Variants in C2CD3 observed in about 807,000 individuals in gnomAD.
C2CD3 encodes C2 domain-containing protein 3.
C2CD3 carries 148 observed loss-of-function variants against 234.0 expected under a neutral mutation model. The ratio of observed to expected loss-of-function variants is 0.63; its 90% CI spans 0.55 to 0.72. The LOEUF (loss-of-function observed/expected upper bound fraction) is 0.72, where lower values mean the gene tolerates loss of function less well. C2CD3 is among the 30% of genes least tolerant of loss of function. C2CD3 has a pLI of 0.00. For missense variants in C2CD3, 2,577 were observed against 2,811.5 expected (o/e 0.92, Z 1.89); for synonymous variants, 1,000 against 1,035.4 (o/e 0.97, Z 0.66).
chr11:74,162,405 A>C (rs987895190), intron 2 of C2CD3, among the ~76,000 whole-genome samples: 4 of 152,204 alleles, frequency 2.6e-5, no homozygotes, highest in African/African-American at 9.6e-5. Context: ...GATACACAAG[A>C]GACTGGTAAC....
chr11:74,097,905 G>C, intron 16 of C2CD3, 104 bp downstream of exon 16: 1 of 1,156,204 alleles, frequency 8.6e-7, no homozygotes, highest in Non-Finnish European at 1.2e-6. Flanking sequence ...ATGTTCTTTT[G>C]TTGAGCCTTT....
At chr11:74,116,909 TGTATATATAC>T in intron 9 of C2CD3, among the ~76,000 whole-genome samples, 1 of 81,758 alleles carries the variant, frequency 1.2e-5, no homozygotes, top group African/African-American at 4.7e-5. Flanking sequence ...CACACGTGTA[TGTATATATAC>T]ATATACACGT....
At chr11:74,056,801 G>T (rs751465216) in intron 25 of C2CD3, among the ~76,000 whole-genome samples, 1 of 151,998 alleles carries the variant, frequency 6.6e-6, no homozygotes, top group Admixed American at 6.6e-5. Flanking sequence ...TTTAGCTGAG[G>T]TGTCTTATTT....
chr11:74,016,386 A>T (rs929694415), intron 32 of C2CD3, among the ~76,000 whole-genome samples: 2 of 151,804 alleles, frequency 1.3e-5, no homozygotes, highest in Non-Finnish European at 2.9e-5. Flanking sequence ...TAGAGGGAAC[A>T]GCATGAGCAC....
rs1048420989 is a variant in C2CD3 at position 74,033,775 on chromosome 11, A to G, written c.6385T>C (p.Phe2129Leu). 10 of 1,536,230 alleles carry G rather than the reference A, an allele frequency of 6.5e-6. No homozygotes were observed. Among genetic ancestry groups the G allele is most frequent in the African/African-American group, 1.4e-5 (1 of 73,038 alleles). ...ACAGCCCTTTCTGGGCTGGAGAGAA[A>G]GCTACTTTTGACCATAAGCTCCTCT... ...CREELMVKSS[F>L]LSSPERAVNP... The change falls in exon 31 of 33, where the codon TTT (phenylalanine) becomes CTT (leucine). Residue 2129 changes from phenylalanine to leucine, a missense_variant. Physicochemically the swap from Phe to Leu is conservative, Grantham distance 22 (BLOSUM62 0). Transcript: ENST00000334126.
Position 74,106,375 on chromosome 11 carries a change from AG to A in C2CD3, c.2080del (p.Leu694SerfsTer3). 3 of 1,614,036 alleles carry A rather than the reference AG, an allele frequency of 1.9e-6. No homozygotes were observed. The highest frequency in any genetic ancestry group is 2.5e-6 in the Non-Finnish European group (3 of 1,179,938). The stretch of plus-strand genomic sequence containing the variant: ...CCTGAATGTATATCTACATACCTTG[AG>A]GGGGCCAAATGGAGACTGACCATTT... ...QENGQSPFGP[L>X]KVTMELITDN... is the part of the protein sequence containing the mutation. On this transcript the variant is annotated frameshift_variant, in exon 13 of 33. Coordinates refer to ENST00000334126, the MANE Select transcript of C2CD3 (RefSeq NM_001286577.2). LOFTEE classifies it high-confidence loss of function.
chr11:74,150,635 T>C (rs1419940039), intron 3 of C2CD3, among the ~76,000 whole-genome samples: 1 of 151,794 alleles, frequency 6.6e-6, no homozygotes, highest in Admixed American at 6.6e-5. Flanking sequence ...TGGCTAATCA[T>C]GTTTCATTTA....
chr11:74,070,770 TC>T (rs1167608663), intron 24 of C2CD3: 1 of 152,238 alleles, frequency 6.6e-6, no homozygotes, highest in Non-Finnish European at 1.5e-5. Flanking sequence ...AATTAGTCTT[TC>T]CAGCCCCATT....
chr11:74,046,875 C>T (rs1394673607), intron 28 of C2CD3, among the ~76,000 whole-genome samples: 1 of 152,120 alleles, frequency 6.6e-6, no homozygotes. Flanking sequence ...CTACGCATTT[C>T]ACAAGTATTA....
At chr11:74,101,163 A>T (rs1956301228) in intron 14 of C2CD3, among the ~76,000 whole-genome samples, 1 of 152,244 alleles carries the variant, frequency 6.6e-6, no homozygotes, top group Non-Finnish European at 1.5e-5. Flanking sequence ...CAGGTGTCAC[A>T]GTAAAGAGCA....
At chr11:74,162,969 T>C (rs571467512) in intron 2 of C2CD3, among the ~76,000 whole-genome samples, 2 of 152,242 alleles carry the variant, frequency 1.3e-5, no homozygotes, top group South Asian at 2.1e-4. Context: ...GAAATGAAAA[T>C]AAACTTCTCA....
At chr11:74,138,045 A>G (rs1246078773) in intron 5 of C2CD3, among the ~76,000 whole-genome samples, 2 of 152,200 alleles carry the variant, frequency 1.3e-5, no homozygotes, top group Non-Finnish European at 1.5e-5. Context: ...AATTTTGGAA[A>G]TTTTACTTGT....
Position 74,048,336 on chromosome 11 carries a change from G to A in C2CD3, c.5364C>T (p.Ile1788=). Residue 1788 remains isoleucine (I), a splice_region_variant and synonymous_variant, in exon 28 of 33, where the codon ATC becomes ATT. Coordinates refer to ENST00000334126, the MANE Select transcript of C2CD3 (RefSeq NM_001286577.2). The stretch of plus-strand genomic sequence containing the variant: ...GGAAGGAAAAGGGACTGTATATTGG[G>A]ATCTGTAAACACAACAAGAAAAATG... ...RRGVETSKSL[I]PIYSPFSFPA... 1 of 1,613,382 alleles carries A rather than the reference G, an allele frequency of 6.2e-7. No individual in the cohort carries two copies. Among genetic ancestry groups the A allele is most frequent in the Non-Finnish European group, 8.5e-7 (1 of 1,179,542 alleles).
chr11:74,139,137 T>C (rs1957964091), intron 4 of C2CD3, among the ~76,000 whole-genome samples, 170 bp from the exon 5 acceptor site: 2 of 152,180 alleles, frequency 1.3e-5, no homozygotes, highest in Admixed American at 1.3e-4. Context: ...TCTCCCAAAT[T>C]ATAGAAATAA....
Position 74,170,882 on chromosome 11 carries a change from T to C in C2CD3, c.-90A>G, listed in dbSNP as rs1253752231. ...CCATCCCTCCCCACGGCGCCTGCGT[T>C]CCCCGGCAACCGGCGCCGCTGGGCA... On this transcript the variant is annotated 5_prime_UTR_variant, in exon 1 of 33. Coordinates refer to ENST00000334126, the MANE Select transcript of C2CD3 (RefSeq NM_001286577.2). 2.6e-6 allele frequency: 4 copies of C among 1,516,046 alleles called. No homozygotes were observed. The highest frequency in any genetic ancestry group is 3.6e-6 in the Non-Finnish European group (4 of 1,124,348). 93.9% of individuals were successfully genotyped at this position (1,516,046 alleles called of 1,614,324 possible). A position where few individuals can be genotyped will look rare whatever the true frequency, so the allele number is the denominator to read the frequency against.
chr11:74,097,555 G>C (rs748619208), intron 16 of C2CD3, among the ~76,000 whole-genome samples: 5 of 152,198 alleles, frequency 3.3e-5, no homozygotes, highest in Non-Finnish European at 7.3e-5. Context: ...ATAAACATGA[G>C]AATGTATGTC....
intron 17 of C2CD3, among the ~76,000 whole-genome samples, chr11:74,094,915 T>C (rs1162912314): frequency 6.6e-6 from 1 of 152,166 alleles, no homozygotes. Flanking sequence ...ACTTATACTA[T>C]GTGTATAGAT....
intron 18 of C2CD3, among the ~76,000 whole-genome samples, chr11:74,092,979 G>C (rs747948122): frequency 6.6e-5 from 10 of 152,114 alleles, no homozygotes; most frequent in Non-Finnish European, 1.2e-4. Context: ...ATGAGGATCT[G>C]TCAGTACCTA....
At position 74,034,035 on chromosome 11, in the gene C2CD3, A is replaced by G; in HGVS notation, c.6125T>C (p.Val2042Ala). The change falls in exon 31 of 33, where the codon GTA becomes GCA. Residue 2042 changes from valine (V) to alanine (A), a missense_variant. By Grantham distance (64) the Val-to-Ala change is moderately conservative. Coordinates refer to ENST00000334126, the MANE Select transcript of C2CD3 (RefSeq NM_001286577.2). ...RMLHESLRHA[V>A]PITRMQSSED... The stretch of plus-strand genomic sequence containing the variant: ...ACTGCTCTGCATCCTTGTAATGGGT[A>G]CTGCATGCCTCAGGGACTCATGGAG... 1 of 1,536,450 alleles carries G rather than the reference A, an allele frequency of 6.5e-7. No homozygotes were observed. The highest frequency in any genetic ancestry group is 8.7e-7 in the Non-Finnish European group (1 of 1,146,978).
Sources: allele counts gnomAD v4.1 joint callset (sites outside exome capture counted in the v4.1 genomes callset), GRCh38; gene constraint gnomAD v4.1.1; transcripts MANE v1.5; gene names NCBI Gene and HGNC (gene_info 2026-07-23, HGNC 2026-07-21).